ADCY9: variants seen among roughly 807,000 people sequenced by gnomAD.
ADCY9 encodes the protein adenylate cyclase type 9.
In ADCY9, 50 loss-of-function variants were observed where a neutral mutation model predicts 101.5. That is an observed-to-expected ratio of 0.49 (90% CI 0.39 to 0.62). ADCY9 has a LOEUF of 0.62. Among genes scored for constraint, ADCY9 ranks in the 20% least tolerant of loss-of-function variants. The pLI, the probability that ADCY9 is intolerant of heterozygous loss-of-function variation, is 0.00. For missense variants in ADCY9, 1,662 were observed against 1,800.4 expected (o/e 0.92, Z 1.39); for synonymous variants, 905 against 769.3 (o/e 1.18, Z -2.92).
chr16:4,007,240 G>GA (rs1388861759), intron 3 of ADCY9, 128 bp downstream of exon 3: 4 of 780,698 alleles, frequency 5.1e-6, no homozygotes, highest in Non-Finnish European at 7.5e-6. Flanking sequence ...TTAAAATCGT[G>GA]AAAACCAAAT....
intron 10 of ADCY9, among the ~76,000 whole-genome samples, chr16:3,969,936 A>G (rs565281225): frequency 1.3e-5 from 2 of 152,106 alleles, no homozygotes; most frequent in East Asian, 3.9e-4. Flanking sequence ...GAAAATGTAG[A>G]AAAAAATAGA....
intron 2 of ADCY9, among the ~76,000 whole-genome samples, chr16:4,010,422 G>A (rs988990425): frequency 3.3e-5 from 5 of 152,210 alleles, no homozygotes; most frequent in African/African-American, 1.2e-4. Context: ...TGGCAGCGGC[G>A]GCCTCTGCTC....
chr16:4,041,919 G>GT (rs750737772), intron 2 of ADCY9, among the ~76,000 whole-genome samples: 84,322 of 100,770 alleles, frequency 0.84, 35,768 homozygotes, highest in South Asian at 0.94. Flanking sequence ...CCCCAGCTAA[G>GT]TTTTTTTTTT....
chr16:3,990,180 C>G (rs533964646), intron 5 of ADCY9, among the ~76,000 whole-genome samples: 1 of 152,028 alleles, frequency 6.6e-6, no homozygotes, highest in African/African-American at 2.4e-5. Flanking sequence ...GTAAATTAGA[C>G]GAGGCTGGGC....
intron 2 of ADCY9, among the ~76,000 whole-genome samples, chr16:4,013,371 A>G (rs1410939539): frequency 6.6e-6 from 1 of 152,154 alleles, no homozygotes; most frequent in Non-Finnish European, 1.5e-5. Context: ...CAGTGAGCTG[A>G]GATCGTGCCA....
chr16:3,983,079 C>T, intron 7 of ADCY9, 153 bp downstream of exon 7: 1 of 738,246 alleles, frequency 1.4e-6, no homozygotes, highest in Non-Finnish European at 2.2e-6. Flanking sequence ...TGCTGGGGCA[C>T]AGGGCTCGGG....
chr16:4,063,510 A>G (rs901821681), intron 2 of ADCY9, among the ~76,000 whole-genome samples: 5 of 152,172 alleles, frequency 3.3e-5, no homozygotes, highest in African/African-American at 1.2e-4. Flanking sequence ...GGAGTTGAAG[A>G]AGAGCCTTGG....
intron 7 of ADCY9, 81 bp downstream of exon 7, chr16:3,983,151 C>A: frequency 7.4e-7 from 1 of 1,344,708 alleles, no homozygotes; most frequent in Non-Finnish European, 1.0e-6. Flanking sequence ...GGGACCAGTC[C>A]AACCGCTCAG....
intron 3 of ADCY9, among the ~76,000 whole-genome samples, chr16:3,997,381 C>A (rs533434829): frequency 6.6e-6 from 1 of 152,364 alleles, no homozygotes; most frequent in South Asian, 2.1e-4. Context: ...CCCGGGCATG[C>A]CCACTGGGAT....
intron 10 of ADCY9, among the ~76,000 whole-genome samples, chr16:3,971,315 C>A (rs1181674413): frequency 6.6e-6 from 1 of 152,202 alleles, no homozygotes; most frequent in Non-Finnish European, 1.5e-5. Context: ...CTCACACACC[C>A]TTCCCTTTGC....
At chr16:3,970,843 G>A (rs1434316997) in intron 10 of ADCY9, among the ~76,000 whole-genome samples, 3 of 152,144 alleles carry the variant, frequency 2.0e-5, no homozygotes, top group Non-Finnish European at 4.4e-5. Context: ...CCATCTTTCT[G>A]GGTCTCAGTT....
At chr16:3,977,776 G>C in intron 8 of ADCY9, 146 bp from the exon 9 acceptor site, 1 of 1,050,104 alleles carries the variant, frequency 9.5e-7, no homozygotes. Context: ...GAGTGCAGTG[G>C]TGCAATCTCA....
At chr16:4,082,878 CT>C (rs2056914224) in intron 2 of ADCY9, among the ~76,000 whole-genome samples, 1 of 152,246 alleles carries the variant, frequency 6.6e-6, no homozygotes, top group African/African-American at 2.4e-5. Flanking sequence ...ATGGCCCCGC[CT>C]TGGCCAAAGG....
chr16:4,086,578 C>T (rs1290310912), intron 2 of ADCY9, among the ~76,000 whole-genome samples: 3 of 152,128 alleles, frequency 2.0e-5, no homozygotes, highest in Non-Finnish European at 4.4e-5. Context: ...GGGGACAGCT[C>T]ACTCTCAGCA....
At chr16:4,083,064 G>A (rs1384172736) in intron 2 of ADCY9, among the ~76,000 whole-genome samples, 2 of 152,198 alleles carry the variant, frequency 1.3e-5, no homozygotes, top group Non-Finnish European at 2.9e-5. Flanking sequence ...AAGATGAAAA[G>A]CACCTGGGGT....
intron 2 of ADCY9, among the ~76,000 whole-genome samples, chr16:4,048,752 C>G (rs1264128037): frequency 6.6e-6 from 1 of 152,166 alleles, no homozygotes; most frequent in African/African-American, 2.4e-5. Context: ...TGAGCGTCCA[C>G]TAGATGCTGG....
intron 2 of ADCY9, among the ~76,000 whole-genome samples, chr16:4,053,533 G>A (rs1288654344): frequency 1.3e-5 from 2 of 152,152 alleles, no homozygotes; most frequent in South Asian, 2.1e-4. Flanking sequence ...GGCACTTGTC[G>A]CCACAATGGC....
chr16:4,114,009 C>T lies in ADCY9; in HGVS notation c.1434G>A (p.Gln478=). 6.2e-7 allele frequency: 1 copy of T among 1,613,886 alleles called. No homozygotes were observed. The highest frequency in any genetic ancestry group is 8.5e-7 in the Non-Finnish European group (1 of 1,180,042). ...GMIKAIEQFC[Q]EKKEMVNMRV... ...TCATGTTCACCATCTCCTTCTTCTC[C>T]TGGCAGAACTGCTCGATGGCCTTGA... Residue 478 remains glutamine, a synonymous_variant, in exon 2 of 11, where the codon CAG becomes CAA. Coordinates refer to ENST00000294016, the MANE Select transcript of ADCY9 (RefSeq NM_001116.4). This position sits in a 1 kb window ranked among gnomAD's most constrained non-coding sequence, Gnocchi z 4.3.
intron 3 of ADCY9, among the ~76,000 whole-genome samples, chr16:4,002,617 G>A (rs1025296667): frequency 6.6e-6 from 1 of 152,236 alleles, no homozygotes; most frequent in African/African-American, 2.4e-5. Flanking sequence ...AGCCACGCAG[G>A]TGCGCTCCAG....
Sources: gnomAD v4.1 joint callset for allele counts (sites outside exome capture counted in the v4.1 genomes callset) on GRCh38, gnomAD v4.1.1 for gene constraint, Gnocchi (gnomAD v3.1) non-coding constraint, MANE v1.5 for transcripts, NCBI Gene and HGNC (gene_info 2026-07-23, HGNC 2026-07-21) for gene names.